The following MYO18A variants were observed in gnomAD, a reference collection of about 807,000 sequenced individuals.
The protein encoded by MYO18A is unconventional myosin-XVIIIa.
A neutral mutation model predicts 235.8 loss-of-function variants in MYO18A; 78 were observed. The ratio of observed to expected loss-of-function variants is 0.33; its 90% CI spans 0.28 to 0.40. The LOEUF (loss-of-function observed/expected upper bound fraction) is 0.40. Ranked by LOEUF, MYO18A falls within the 10% of genes least tolerant of loss-of-function variation. MYO18A has a pLI of 1.00. For missense variants in MYO18A, 2,215 were observed against 2,699.3 expected (o/e 0.82, Z 3.98); for synonymous variants, 977 against 1,077.8 (o/e 0.91, Z 1.83).
intron 2 of MYO18A, among the ~76,000 whole-genome samples, chr17:29,155,692 G>A (rs1021555653): frequency 1.3e-5 from 2 of 152,232 alleles, no homozygotes; most frequent in African/African-American, 2.4e-5. Flanking sequence ...GGCCCCAGTA[G>A]GCCAGAGAAC....
intron 1 of MYO18A, among the ~76,000 whole-genome samples, chr17:29,169,643 C>T (rs2152982838): frequency 6.6e-6 from 1 of 152,262 alleles, no homozygotes; most frequent in East Asian, 1.9e-4. Flanking sequence ...CCTGCACCAT[C>T]TTAAAGGGAT....
chr17:29,147,733 CA>C (rs1449150761), intron 2 of MYO18A, among the ~76,000 whole-genome samples: 2 of 151,662 alleles, frequency 1.3e-5, no homozygotes, highest in Admixed American at 6.6e-5. Flanking sequence ...GACCCGTCTA[CA>C]AAAAATTTAA....
At position 29,071,513 on chromosome 17, in the gene MYO18A, C is replaced by T. The variant is rs1056624628; in HGVS notation, c.*3257G>A. The T allele has an allele frequency of 2.6e-5, 4 of 152,208 alleles. No individual in the cohort carries two copies. Among genetic ancestry groups the T allele is most frequent in the Non-Finnish European group, 4.4e-5 (3 of 68,042 alleles). 9.4% of individuals were successfully genotyped at this position (152,208 alleles called of 1,614,324 possible). On this transcript the variant is annotated 3_prime_UTR_variant, in exon 42 of 42. Transcript: ENST00000527372. The stretch of plus-strand genomic sequence containing the variant: ...CACAGCCAGCCTGTGGCATGTTCTA[C>T]CAGCACCTCTCTTTCCCTGCCCCAG...
intron 2 of MYO18A, among the ~76,000 whole-genome samples, chr17:29,149,032 G>C (rs1567633276): frequency 1.3e-5 from 2 of 152,242 alleles, no homozygotes; most frequent in African/African-American, 2.4e-5. Flanking sequence ...GCGCCCAGCA[G>C]AGGGTGGCAG....
chr17:29,091,012 G>A, intron 34 of MYO18A, 86 bp from the exon 35 acceptor site: 1 of 1,097,130 alleles, frequency 9.1e-7, no homozygotes, highest in Non-Finnish European at 1.4e-6. Flanking sequence ...GGGCATTGTA[G>A]AGAAGATGAT....
rs988554396 is a variant in MYO18A at position 29,111,650 on chromosome 17, C to T, written c.2741-67G>A. On this transcript the variant is annotated intron_variant, in intron 16 of 41. Coordinates refer to ENST00000527372, the MANE Select transcript of MYO18A (RefSeq NM_078471.4). This position sits in a 1 kb window ranked among gnomAD's most constrained non-coding sequence, Gnocchi z 5.1. ...GCACAAAGTGACCCCCGCCCCCTCC[C>T]AGGGAGTGCCACCTGGACCCACCTG... 2 of 1,611,526 alleles carry T rather than the reference C, an allele frequency of 1.2e-6. No homozygotes were observed. Among genetic ancestry groups the T allele is most frequent in the African/African-American group, 1.3e-5 (1 of 74,866 alleles).
At chr17:29,124,796 T>C in intron 2 of MYO18A, 1 of 947,766 alleles carries the variant, frequency 1.1e-6, no homozygotes. Flanking sequence ...CGGCACTCTC[T>C]AGTTGTCCAA....
rs1180082533 is a variant in MYO18A, at chr17:29,107,114, T to C, written c.3407A>G (p.His1136Arg). ...DVLAPHLTKK[H>R]GRNYIVVDER... is the part of the protein sequence containing the mutation. The stretch of plus-strand genomic sequence containing the variant: ...ATCCACCACGATGTAGTTACGCCCG[T>C]GTTTCTTGGTCAGGTGCGGGGCCAG... The change falls in exon 20 of 42, where the codon CAC becomes CGC. Residue 1136 changes from histidine (H) to arginine (R), a missense_variant. By Grantham distance (29) the His-to-Arg change is conservative. Transcript: ENST00000527372. 3 of 1,613,950 alleles carry C rather than the reference T, an allele frequency of 1.9e-6. No individual in the cohort carries two copies. The South Asian group carries it at 3.3e-5, about 18-fold the overall frequency.
In MYO18A at chr17:29,125,392, C is replaced by T. The variant is rs919566417; in HGVS notation, c.1000-3139G>A. On this transcript the variant is annotated intron_variant, in intron 2 of 41. Coordinates refer to ENST00000527372, the MANE Select transcript of MYO18A (RefSeq NM_078471.4). This position sits in a 1 kb window ranked among gnomAD's most constrained non-coding sequence, Gnocchi z 5.1. ...GGACCACTTGACAGCTGCCCAAGAG[C>T]AAAGGCACTGTGGGCAAACCCTGTG... Among the ~76,000 whole-genome samples the T allele has an allele frequency of 6.6e-6, 1 of 152,248 alleles. No individual in the cohort carries two copies. Among genetic ancestry groups the T allele is most frequent in the Non-Finnish European group, 1.5e-5 (1 of 68,046 alleles).
chr17:29,169,224 G>C (rs2068347031), intron 1 of MYO18A, among the ~76,000 whole-genome samples: 1 of 151,948 alleles, frequency 6.6e-6, no homozygotes, highest in African/African-American at 2.4e-5. Context: ...CTAATTTTTT[G>C]TATTTTTAGT....
chr17:29,153,727 A>G (rs2068003904), intron 2 of MYO18A, among the ~76,000 whole-genome samples: 1 of 152,214 alleles, frequency 6.6e-6, no homozygotes, highest in African/African-American at 2.4e-5. Context: ...CAGTTCCTGC[A>G]GCCAAAACTA....
rs907028932 is a variant in MYO18A, at chr17:29,106,755, A to G, written c.3441+325T>C. Among the ~76,000 whole-genome samples, 8 of 152,184 alleles carry G rather than the reference A, an allele frequency of 5.3e-5. No individual in the cohort carries two copies. Among genetic ancestry groups the G allele is most frequent in the African/African-American group, 1.7e-4 (7 of 41,452 alleles). On this transcript the variant is annotated intron_variant, in intron 20 of 41. Coordinates refer to ENST00000527372, the MANE Select transcript of MYO18A (RefSeq NM_078471.4). The surrounding 1 kb of genome is among the most constrained non-coding windows in gnomAD (Gnocchi z 4.6). ...CCTGCTTCAGGAACCAATCCCTGAC[A>G]TGGGGGCCCAGGTGCCATCGGTGGG...
At chr17:29,179,500 T>A (rs1428091873) in intron 1 of MYO18A, among the ~76,000 whole-genome samples, 1 of 152,104 alleles carries the variant, frequency 6.6e-6, no homozygotes, top group Non-Finnish European at 1.5e-5. Context: ...CAGCCACCCC[T>A]ACCACCTCCC....
chr17:29,108,074 C>G (rs371831349), intron 19 of MYO18A, among the ~76,000 whole-genome samples: 2 of 151,980 alleles, frequency 1.3e-5, no homozygotes, highest in African/African-American at 2.4e-5. Context: ...CAGCGGCCCT[C>G]GCACTTATCT....
chr17:29,135,949 C>T (rs1429258558), intron 2 of MYO18A, among the ~76,000 whole-genome samples: 5 of 152,146 alleles, frequency 3.3e-5, no homozygotes, highest in African/African-American at 4.8e-5. Context: ...TCTCATGGAC[C>T]GGGCGTGGTG....
intron 2 of MYO18A, among the ~76,000 whole-genome samples, chr17:29,145,985 T>C (rs1422611106): frequency 6.6e-6 from 1 of 152,140 alleles, no homozygotes; most frequent in Non-Finnish European, 1.5e-5. Flanking sequence ...CAGGCAGGCG[T>C]AGTGGCTCAC....
intron 15 of MYO18A, among the ~76,000 whole-genome samples, chr17:29,113,355 C>T (rs1458208567): frequency 6.6e-6 from 1 of 152,246 alleles, no homozygotes; most frequent in Non-Finnish European, 1.5e-5. Context: ...TGCAATTTCC[C>T]TAATGGCGGA....
In MYO18A at chr17:29,110,500, G is replaced by T. The variant is rs943827740; in HGVS notation, c.3023C>A (p.Thr1008Asn). The T allele has an allele frequency of 4.4e-6, 7 of 1,603,740 alleles. No individual in the cohort carries two copies. The highest frequency in any genetic ancestry group is 1.3e-5 in the African/African-American group (1 of 74,802). Residue 1008 changes from threonine (T) to asparagine (N), a missense_variant, in exon 18 of 42, where the codon ACC (threonine) becomes AAC (asparagine). Coordinates refer to ENST00000527372, the MANE Select transcript of MYO18A (RefSeq NM_078471.4). ...ALRRATSMRK[T>N]FTTGMAAVKK... ...GACAGCCGCCATGCCTGTGGTAAAG[G>T]TTTTCCGCATGCTGGTGGCCCGGCG...
At chr17:29,172,192 G>A (rs1460570090) in intron 1 of MYO18A, among the ~76,000 whole-genome samples, 1 of 152,098 alleles carries the variant, frequency 6.6e-6, no homozygotes, top group Non-Finnish European at 1.5e-5. Flanking sequence ...GAGTAAACAG[G>A]GCCGGGCGCA....
Sources: gnomAD v4.1 joint callset for allele counts (sites outside exome capture counted in the v4.1 genomes callset) on GRCh38, gnomAD v4.1.1 for gene constraint, Gnocchi (gnomAD v3.1) non-coding constraint, MANE v1.5 for transcripts, NCBI Gene and HGNC (gene_info 2026-07-23, HGNC 2026-07-21) for gene names.